AGBL3: variants seen among roughly 807,000 people sequenced by gnomAD.
AGBL3 encodes the protein AGBL carboxypeptidase 3, also known as cytosolic carboxypeptidase 3.
A neutral mutation model predicts 94.5 loss-of-function variants in AGBL3; 68 were observed. The ratio of observed to expected loss-of-function variants is 0.72; its 90% confidence interval spans 0.59 to 0.88. AGBL3 has a LOEUF of 0.88. Among genes scored for constraint, AGBL3 ranks in the 40% least tolerant of loss-of-function variants. AGBL3 has a pLI of 0.00. For synonymous variants in AGBL3, 354 were observed against 370.7 expected (o/e 0.95, Z 0.52); for missense variants, 934 against 1,103.8 (o/e 0.85, Z 2.18).
At chr7:135,096,734 A>AAT (rs761164719) in intron 15 of AGBL3, among the ~76,000 whole-genome samples, 1 of 89,264 alleles carries the variant, frequency 1.1e-5, no homozygotes, top group Non-Finnish European at 2.5e-5. Flanking sequence ...AGAAAGAAAG[A>AAT]GAAAGAATGA....
intron 15 of AGBL3, among the ~76,000 whole-genome samples, chr7:135,099,322 A>C (rs1172261608): frequency 1.3e-5 from 2 of 152,126 alleles, no homozygotes; most frequent in African/African-American, 4.8e-5. Context: ...TTCTCTTGAA[A>C]CAGTTTAATT....
intron 15 of AGBL3, chr7:135,092,656 T>C (rs1822027011): frequency 6.6e-6 from 1 of 152,064 alleles, no homozygotes; most frequent in South Asian, 2.1e-4. Flanking sequence ...TCGGAGTTGT[T>C]TGTGGGTAGG....
At chr7:135,031,240 CTG>C (rs1309597317) in intron 5 of AGBL3, among the ~76,000 whole-genome samples, 1 of 151,920 alleles carries the variant, frequency 6.6e-6, no homozygotes, top group Non-Finnish European at 1.5e-5. Context: ...TTTAGGGAGT[CTG>C]TATTATATTC....
intron 15 of AGBL3, among the ~76,000 whole-genome samples, chr7:135,096,429 AAG>A (rs1020984109): frequency 1.3e-5 from 2 of 151,654 alleles, no homozygotes; most frequent in African/African-American, 4.8e-5. Flanking sequence ...GAAAGAAAGA[AAG>A]AGATATATAT....
Position 135,045,554 on chromosome 7 carries a change from T to C in AGBL3, c.1708T>C (p.Cys570Arg), listed in dbSNP as rs1230901552. 1 of 1,551,016 alleles carries C rather than the reference T, an allele frequency of 6.4e-7. No individual in the cohort carries two copies. The highest frequency in any genetic ancestry group is 8.7e-7 in the Non-Finnish European group (1 of 1,146,606). ...TTTTTGTGATTCTCTCTTGGATTAT[T>C]GTGATCCCGACCGGACCAAGGTAAG... Reference protein sequence around the residue: ...YHFCDSLLDYCDPDRTKYYRC... With the variant: ...YHFCDSLLDYRDPDRTKYYRC... Residue 570 changes from cysteine (C) to arginine (R), a missense_variant, in exon 10 of 17, where the codon TGT becomes CGT. Physicochemically the swap from Cys to Arg is radical, Grantham distance 180. Coordinates refer to ENST00000436302, the MANE Select transcript of AGBL3 (RefSeq NM_178563.4).
At chr7:135,083,575 TACA>T (rs1821095508) in intron 15 of AGBL3, among the ~76,000 whole-genome samples, 1 of 152,098 alleles carries the variant, frequency 6.6e-6, no homozygotes, top group African/African-American at 2.4e-5. Context: ...TTCAACTTGA[TACA>T]ACACTATTTT....
In AGBL3 at chr7:135,037,550, A is replaced by T; in HGVS notation, c.1470A>T (p.Pro490=). 1 of 1,540,832 alleles carries T rather than the reference A, an allele frequency of 6.5e-7. No individual in the cohort carries two copies. The highest frequency in any genetic ancestry group is 8.8e-7 in the Non-Finnish European group (1 of 1,142,732). The part of the protein sequence containing the change: ...KTLYLQQRIF[P]LMLSKNCPDK... ...TATACTTACAGCAACGAATCTTCCC[A>T]CTTATGCTAAGCAAAAATTGTCCAG... is the stretch of plus-strand genomic sequence containing the variant. The change falls in exon 8 of 17, where the codon CCA becomes CCT. Residue 490 remains proline, a synonymous_variant. Transcript: ENST00000436302.
chr7:135,036,533 A>T (rs1816325071), intron 7 of AGBL3, among the ~76,000 whole-genome samples: 1 of 152,236 alleles, frequency 6.6e-6, no homozygotes, highest in South Asian at 2.1e-4. Context: ...TTGGGTACTT[A>T]TTATGTGCAT....
At chr7:135,112,134 CT>C (rs1322236309) in intron 15 of AGBL3, among the ~76,000 whole-genome samples, 1 of 152,210 alleles carries the variant, frequency 6.6e-6, no homozygotes, top group Non-Finnish European at 1.5e-5. Flanking sequence ...TCTCTTGAAT[CT>C]GCTCTCTTCA....
At chr7:135,050,254 T>C (rs1333207060) in intron 11 of AGBL3, among the ~76,000 whole-genome samples, 1 of 152,006 alleles carries the variant, frequency 6.6e-6, no homozygotes, top group Middle Eastern at 3.2e-3. Flanking sequence ...TTATGGTCAG[T>C]AATAATACTT....
intron 7 of AGBL3, among the ~76,000 whole-genome samples, chr7:135,035,475 A>G (rs2116460393): frequency 6.6e-6 from 1 of 152,174 alleles, no homozygotes; most frequent in Admixed American, 6.5e-5. Flanking sequence ...ATGTGTGTGG[A>G]AAGGTGAGCA....
intron 16 of AGBL3, among the ~76,000 whole-genome samples, chr7:135,127,648 G>A (rs1828079490): frequency 1.3e-5 from 2 of 152,006 alleles, no homozygotes; most frequent in South Asian, 2.1e-4. Context: ...CAGTCAGAAT[G>A]GCAATTACTA....
chr7:135,080,941 T>TACAC (rs34640801), intron 14 of AGBL3, among the ~76,000 whole-genome samples: 10,591 of 148,464 alleles, frequency 0.071, 408 homozygotes, highest in Non-Finnish European at 0.092. Context: ...GTAACCTAAT[T>TACAC]ACACACACAC....
At chr7:135,036,489 C>T (rs1204172256) in intron 7 of AGBL3, among the ~76,000 whole-genome samples, 1 of 152,088 alleles carries the variant, frequency 6.6e-6, no homozygotes, top group African/African-American at 2.4e-5. Flanking sequence ...GGCTTCAGCA[C>T]CAAGTCATCA....
intron 16 of AGBL3, among the ~76,000 whole-genome samples, chr7:135,116,819 C>G (rs574742753): frequency 6.6e-6 from 1 of 152,288 alleles, no homozygotes; most frequent in South Asian, 2.1e-4. Flanking sequence ...CTAACATTTT[C>G]TATATCAGTA....
chr7:135,040,045 C>G (rs1719079735), intron 8 of AGBL3, among the ~76,000 whole-genome samples: 1 of 152,062 alleles, frequency 6.6e-6, no homozygotes, highest in African/African-American at 2.4e-5. Context: ...ACTACAGACC[C>G]TGCAGGCATT....
At chr7:135,060,627 A>C (rs979949038) in intron 12 of AGBL3, among the ~76,000 whole-genome samples, 1 of 151,948 alleles carries the variant, frequency 6.6e-6, no homozygotes, top group African/African-American at 2.4e-5. Context: ...TTTTTTTTTA[A>C]TACTCCACAC....
At chr7:135,094,202 A>T (rs1481581793) in intron 15 of AGBL3, 4 of 355,666 alleles carry the variant, frequency 1.1e-5, no homozygotes, top group Non-Finnish European at 1.7e-5. Context: ...TTTTAGCTGC[A>T]ACATGAATAA....
chr7:135,026,437 C>G (rs916068820), intron 5 of AGBL3, among the ~76,000 whole-genome samples: 5 of 150,716 alleles, frequency 3.3e-5, no homozygotes, highest in African/African-American at 1.2e-4. Flanking sequence ...ACCACACCTG[C>G]CCAATTTTTG....
Sources: gnomAD v4.1 joint callset for allele counts (sites outside exome capture counted in the v4.1 genomes callset) on GRCh38, gnomAD v4.1.1 for gene constraint, MANE v1.5 for transcripts, NCBI Gene and HGNC (gene_info 2026-07-23, HGNC 2026-07-21) for gene names.